Variants in RUVBL2 observed in about 807,000 individuals in gnomAD.
RUVBL2 encodes RuvB like AAA ATPase 2.
Under a neutral mutation model 57.9 loss-of-function variants are expected in RUVBL2, and 9 were observed. That is an observed-to-expected ratio of 0.16 (90% CI 0.09 to 0.27). RUVBL2 has a LOEUF of 0.27. RUVBL2 is among the 10% of genes least tolerant of loss of function. RUVBL2 has a pLI of 1.00. For synonymous variants in RUVBL2, 278 were observed against 264.6 expected, an observed-to-expected ratio of 1.05 and a Z score of -0.49; for missense variants, 456 against 669.6, an observed-to-expected ratio of 0.68 and a Z score of 3.52.
intron 8 of RUVBL2, 137 bp downstream of exon 8, chr19:49,010,203 GTAA>G: frequency 2.3e-6 from 2 of 875,924 alleles, no homozygotes; most frequent in Non-Finnish European, 3.6e-6. Context: ...GGTCTTCCCT[GTAA>G]CCCTAGGACA....
intron 3 of RUVBL2, 23 bp from the exon 4 acceptor site, chr19:49,004,254 T>C: frequency 6.2e-7 from 1 of 1,600,820 alleles, no homozygotes; most frequent in Non-Finnish European, 8.5e-7. Context: ...GGAAATCACC[T>C]CATGTGCGCC....
At chr19:48,995,999 AAAAG>A (rs1191782003) in intron 1 of RUVBL2, among the ~76,000 whole-genome samples, 26 of 147,356 alleles carry the variant, frequency 1.8e-4, no homozygotes, top group African/African-American at 5.8e-4. Flanking sequence ...AAAAAAAAAA[AAAAG>A]AAAAGAAAAG....
intron 8 of RUVBL2, 196 bp from the exon 9 acceptor site, chr19:49,010,292 C>T (rs2039387601): frequency 8.8e-6 from 6 of 683,856 alleles, no homozygotes; most frequent in Admixed American, 8.4e-5. Context: ...CTCCGGGAGC[C>T]CCCGTGACCC....
At chr19:49,001,767 C>T (rs1381958166) in intron 2 of RUVBL2, among the ~76,000 whole-genome samples, 7 of 151,868 alleles carry the variant, frequency 4.6e-5, no homozygotes, top group Admixed American at 6.6e-5. Flanking sequence ...CCTGACACCA[C>T]GGCCGTCTAA....
Position 49,011,457 on chromosome 19 carries a change from G to A in RUVBL2, c.1001+147G>A, listed in dbSNP as rs551353170. The A allele has an allele frequency of 4.1e-5, 27 of 653,068 alleles. 1 individual carries two copies. The South Asian group carries it at 4.6e-4, about 11-fold the overall frequency. The allele number at this position is 653,068 out of a possible 1,614,324, so 40.5% of individuals were successfully genotyped here. A position where few individuals can be genotyped will look rare whatever the true frequency, so the allele number is the denominator to read the frequency against. ...GCTCTTTGCTTACAAAAGGCGGGTG[G>A]GAGGCAGCTCTGCTTCCCGAGGAAG... On this transcript the variant is annotated intron_variant, in intron 11 of 14. Transcript: ENST00000595090. The surrounding 1 kb of genome is among the most constrained non-coding windows in gnomAD (Gnocchi z 4.4).
At chr19:49,015,276 T>A in intron 13 of RUVBL2, 126 bp downstream of exon 13, 1 of 1,350,970 alleles carries the variant, frequency 7.4e-7, no homozygotes, top group Non-Finnish European at 1.0e-6. Flanking sequence ...TTTTCATCCC[T>A]CAGGTTGGCT....
intron 4 of RUVBL2, 136 bp downstream of exon 4, chr19:49,004,554 GC>G: frequency 2.3e-6 from 2 of 856,314 alleles, no homozygotes; most frequent in Non-Finnish European, 3.6e-6. Flanking sequence ...ATTCATTCTT[GC>G]CCATGGAAGA....
intron 8 of RUVBL2, 172 bp from the exon 9 acceptor site, chr19:49,010,316 A>C (rs1732143475): frequency 1.4e-6 from 1 of 722,998 alleles, no homozygotes. Context: ...GCGCTCTGGA[A>C]TGTCCCTAGT....
chr19:49,014,327 CAG>C, intron 11 of RUVBL2, among the ~76,000 whole-genome samples, 155 bp from the exon 12 acceptor site: 1 of 152,350 alleles, frequency 6.6e-6, no homozygotes, highest in African/African-American at 2.4e-5. Flanking sequence ...GCTGCGTCAT[CAG>C]GGGTGATGTC....
intron 11 of RUVBL2, among the ~76,000 whole-genome samples, chr19:49,013,625 A>G (rs2039479719): frequency 6.6e-6 from 1 of 152,194 alleles, no homozygotes; most frequent in Non-Finnish European, 1.5e-5. Context: ...AGAAACACAC[A>G]TACATGAGGC....
At chr19:48,998,492 C>G (rs1009297189) in intron 1 of RUVBL2, among the ~76,000 whole-genome samples, 1 of 151,166 alleles carries the variant, frequency 6.6e-6, no homozygotes, top group East Asian at 1.9e-4. Flanking sequence ...GTCAGGAGTT[C>G]GAGACCAGCC....
chr19:49,010,716 G>A (rs549281647), intron 9 of RUVBL2, 105 bp downstream of exon 9: 266 of 1,495,120 alleles, frequency 1.8e-4, no homozygotes, highest in East Asian at 1.3e-3. Context: ...CCTGCTCCAC[G>A]CTGTTTCCTG....
At chr19:48,995,712 G>A (rs2039043147) in intron 1 of RUVBL2, among the ~76,000 whole-genome samples, 1 of 151,852 alleles carries the variant, frequency 6.6e-6, no homozygotes, top group Non-Finnish European at 1.5e-5. Flanking sequence ...TAGGCCGGGT[G>A]CGGTGGCTCA....
rs544765442 is a variant in RUVBL2 at position 49,008,491 on chromosome 19, G to A, written c.462+1123G>A. Among the ~76,000 whole-genome samples the A allele has an allele frequency of 1.8e-3, 275 of 150,012 alleles. 1 individual carries two copies. The highest frequency in any genetic ancestry group is 6.3e-3 in the African/African-American group (261 of 41,328). On this transcript the variant is annotated intron_variant, in intron 6 of 14. Transcript: ENST00000595090. ...GATCTGCCCGCCTCGGCCTCCCAAAGTGCTGGGATTACAGGTGTGAGCCAC... is the reference window on the plus strand; with the variant it reads ...GATCTGCCCGCCTCGGCCTCCCAAAATGCTGGGATTACAGGTGTGAGCCAC...
intron 1 of RUVBL2, chr19:48,994,214 G>A (rs768701070): frequency 7.6e-6 from 4 of 526,490 alleles, no homozygotes; most frequent in Non-Finnish European, 1.4e-5. Context: ...GCAACGGCCG[G>A]TTCCGCAGTC....
At chr19:49,010,963 C>T (rs1293972398) in intron 9 of RUVBL2, 36 bp from the exon 10 acceptor site, 2 of 1,580,968 alleles carry the variant, frequency 1.3e-6, no homozygotes, top group Non-Finnish European at 1.7e-6. Flanking sequence ...CCCGCCTCCT[C>T]TCTGGCTTCC....
rs373229344 is a variant in RUVBL2 at position 49,009,997 on chromosome 19, G to A, written c.594G>A (p.Ala198=). ...QAGDVITIDK[A]TGKISKLGRS... ...GGGACGTGATCACCATCGACAAGGC[G>A]ACGGGCAAGATCTCCAAGCTGGGCC... Residue 198 remains alanine (A), a synonymous_variant, in exon 8 of 15, where the codon GCG becomes GCA. Coordinates refer to ENST00000595090, the MANE Select transcript of RUVBL2 (RefSeq NM_006666.3). 8.5e-5 allele frequency: 135 copies of A among 1,590,896 alleles called. No homozygotes were observed. Among genetic ancestry groups the A allele is most frequent in the Non-Finnish European group, 1.1e-4 (123 of 1,166,178 alleles).
intron 13 of RUVBL2, 40 bp downstream of exon 13, chr19:49,015,190 A>C: frequency 5.7e-6 from 9 of 1,591,978 alleles, no homozygotes; most frequent in Non-Finnish European, 7.7e-6. Context: ...AGATGGCGGC[A>C]GTGAGTGACA....
rs2122669495 is a variant in RUVBL2 at position 49,015,868 on chromosome 19, CCT to C, written c.*27_*28del. On this transcript the variant is annotated 3_prime_UTR_variant, in exon 15 of 15. Transcript: ENST00000595090. ...GTTGGATGTCATCCCCCGACCCCAC[CCT>C]GTTTTCCACCAGAGTTCTGACACTG... 6.2e-7 allele frequency: 1 copy of C among 1,614,168 alleles called. No individual in the cohort carries two copies. Among genetic ancestry groups the C allele is most frequent in the Non-Finnish European group, 8.5e-7 (1 of 1,180,018 alleles).
Sources: gnomAD v4.1 joint callset for allele counts (sites outside exome capture counted in the v4.1 genomes callset) on GRCh38, gnomAD v4.1.1 for gene constraint, Gnocchi (gnomAD v3.1) non-coding constraint, MANE v1.5 for transcripts, NCBI Gene and HGNC (gene_info 2026-07-23, HGNC 2026-07-21) for gene names.